Variants in TMEM117 observed in about 807,000 individuals in gnomAD.
TMEM117 encodes the protein transmembrane protein 117.
TMEM117 carries 27 observed loss-of-function variants against 52.4 expected under a neutral mutation model. That is an observed-to-expected ratio of 0.51 (90% CI 0.38 to 0.71). TMEM117 has a LOEUF of 0.71. Among genes scored for constraint, TMEM117 ranks in the 30% least tolerant of loss-of-function variants. The pLI is 0.00. For missense variants in TMEM117, 556 were observed against 630.5 expected, an observed-to-expected ratio of 0.88 and a Z score of 1.26; for synonymous variants, 215 against 206.3, an observed-to-expected ratio of 1.04 and a Z score of -0.36.
At chr12:44,157,390 TA>T (rs1466074394) in intron 4 of TMEM117, among the ~76,000 whole-genome samples, 7 of 152,142 alleles carry the variant, frequency 4.6e-5, no homozygotes, top group African/African-American at 1.7e-4. Context: ...TTACTTAATT[TA>T]AAAAATTACA....
chr12:44,311,859 A>G (rs56817355), intron 6 of TMEM117, among the ~76,000 whole-genome samples: 2,545 of 108,832 alleles, frequency 0.023, 155 homozygotes, highest in African/African-American at 0.11. Flanking sequence ...GTATATATGT[A>G]TATATATGTA....
At chr12:44,094,661 A>G (rs1167619401) in intron 3 of TMEM117, among the ~76,000 whole-genome samples, 1 of 152,106 alleles carries the variant, frequency 6.6e-6, no homozygotes, top group Non-Finnish European at 1.5e-5. Flanking sequence ...TCCCATTTCT[A>G]GTATGAAGAT....
chr12:44,154,189 A>G (rs1221570311), intron 4 of TMEM117, among the ~76,000 whole-genome samples: 6 of 152,112 alleles, frequency 3.9e-5, no homozygotes, highest in Admixed American at 1.3e-4. Flanking sequence ...AGCATGCAAC[A>G]GCAATAGAAA....
At chr12:44,185,793 C>T (rs577035133) in intron 4 of TMEM117, among the ~76,000 whole-genome samples, 11 of 151,428 alleles carry the variant, frequency 7.3e-5, no homozygotes, top group African/African-American at 2.7e-4. Context: ...ACATGATGCT[C>T]AAGAAAATAT....
At chr12:44,000,023 C>G (rs1193577150) in intron 3 of TMEM117, among the ~76,000 whole-genome samples, 1 of 152,136 alleles carries the variant, frequency 6.6e-6, no homozygotes, top group Non-Finnish European at 1.5e-5. Context: ...GCCCAATGAT[C>G]AGCTGACTAA....
chr12:44,168,323 C>G (rs1948998375), intron 4 of TMEM117, among the ~76,000 whole-genome samples: 1 of 151,562 alleles, frequency 6.6e-6, no homozygotes, highest in Non-Finnish European at 1.5e-5. Flanking sequence ...ACTGCTGTTT[C>G]CCTCCCCCAA....
intron 3 of TMEM117, among the ~76,000 whole-genome samples, chr12:44,058,906 C>G (rs2137948255): frequency 6.6e-6 from 1 of 152,268 alleles, no homozygotes; most frequent in Non-Finnish European, 1.5e-5. Flanking sequence ...GGTCCGCAAC[C>G]TTTTTGGTGC....
At chr12:44,078,862 A>ACACCCCCCCCCCCCCC (rs1947428078) in intron 3 of TMEM117, among the ~76,000 whole-genome samples, 1 of 56,480 alleles carries the variant, frequency 1.8e-5, no homozygotes, top group Non-Finnish European at 3.4e-5. Context: ...CTCCCCTAGC[A>ACACCCCCCCCCCCCCC]CCCCCCCACC....
intron 5 of TMEM117, among the ~76,000 whole-genome samples, chr12:44,283,058 A>G (rs529946099): frequency 2.0e-5 from 3 of 152,264 alleles, no homozygotes; most frequent in Non-Finnish European, 4.4e-5. Context: ...GGTACACAGA[A>G]GTCAAGAATT....
At chr12:44,331,174 G>A (rs1461076187) in intron 6 of TMEM117, among the ~76,000 whole-genome samples, 1 of 150,160 alleles carries the variant, frequency 6.7e-6, no homozygotes, top group African/African-American at 2.5e-5. Context: ...CTTCTAGTGG[G>A]ACCTTTTTTT....
intron 3 of TMEM117, among the ~76,000 whole-genome samples, chr12:44,096,335 A>C (rs1329447170): frequency 1.3e-5 from 2 of 152,008 alleles, no homozygotes; most frequent in Non-Finnish European, 2.9e-5. Context: ...GCTACCAATG[A>C]CTTTCTTCAC....
intron 3 of TMEM117, among the ~76,000 whole-genome samples, chr12:44,027,069 A>G (rs1297923713): frequency 6.8e-6 from 1 of 146,456 alleles, no homozygotes; most frequent in Admixed American, 6.7e-5. Flanking sequence ...TAAACCTCAA[A>G]CCATTTCTTA....
intron 3 of TMEM117, among the ~76,000 whole-genome samples, chr12:44,105,632 T>G (rs544335717): frequency 2.4e-4 from 37 of 152,138 alleles, no homozygotes; most frequent in African/African-American, 8.7e-4. Context: ...TAGGTCTCAG[T>G]GTTTTAGCCT....
intron 3 of TMEM117, among the ~76,000 whole-genome samples, chr12:44,136,640 G>A (rs549349895): frequency 9.2e-4 from 140 of 151,958 alleles, no homozygotes; most frequent in Non-Finnish European, 1.7e-3. Flanking sequence ...GCAAATTGGT[G>A]CACTAAATCA....
chr12:44,134,469 A>G (rs576999627), intron 3 of TMEM117, among the ~76,000 whole-genome samples: 2 of 152,254 alleles, frequency 1.3e-5, no homozygotes, highest in African/African-American at 2.4e-5. Flanking sequence ...ACATTTTTTA[A>G]CTGGAGAGAG....
intron 5 of TMEM117, among the ~76,000 whole-genome samples, chr12:44,249,695 A>G (rs1950174459): frequency 6.6e-6 from 1 of 152,198 alleles, no homozygotes; most frequent in Non-Finnish European, 1.5e-5. Context: ...CTACACATCT[A>G]CAACCATCTG....
At chr12:44,256,526 T>C (rs1487993129) in intron 5 of TMEM117, among the ~76,000 whole-genome samples, 1 of 152,058 alleles carries the variant, frequency 6.6e-6, no homozygotes, top group Non-Finnish European at 1.5e-5. Context: ...GGATATTTCA[T>C]GTGAATTTTG....
intron 5 of TMEM117, among the ~76,000 whole-genome samples, chr12:44,216,489 C>G (rs1849846947): frequency 6.6e-6 from 1 of 152,018 alleles, no homozygotes; most frequent in African/African-American, 2.4e-5. Flanking sequence ...CTAAAATAAC[C>G]CATTCTGATG....
intron 3 of TMEM117, among the ~76,000 whole-genome samples, chr12:43,969,926 C>T (rs1011082932): frequency 6.6e-6 from 1 of 152,312 alleles, no homozygotes; most frequent in East Asian, 1.9e-4. Flanking sequence ...AGCAGTATCT[C>T]CTTATCCCCA....
Sources: allele counts gnomAD v4.1 joint callset (sites outside exome capture counted in the v4.1 genomes callset), GRCh38; gene constraint gnomAD v4.1.1; transcripts MANE v1.5; gene names NCBI Gene and HGNC (gene_info 2026-07-23, HGNC 2026-07-21).